Variants in CDH18 observed in about 807,000 individuals in gnomAD.
CDH18 encodes cadherin 18.
In CDH18, 31 loss-of-function variants were observed where a neutral mutation model predicts 67.9. The ratio of observed to expected loss-of-function variants is 0.46; its 90% CI spans 0.34 to 0.62. The LOEUF is 0.62. CDH18 is among the 20% of genes least tolerant of loss of function. The pLI, the probability that CDH18 is intolerant of heterozygous loss-of-function variation, is 0.01. For missense variants in CDH18, 890 were observed against 975.5 expected, an observed-to-expected ratio of 0.91 and a Z score of 1.17; for synonymous variants, 362 against 347.2, an observed-to-expected ratio of 1.04 and a Z score of -0.48.
chr5:20,222,397 T>C (rs1741299175), intron 2 of CDH18, among the ~76,000 whole-genome samples: 1 of 152,144 alleles, frequency 6.6e-6, no homozygotes, highest in Non-Finnish European at 1.5e-5. Flanking sequence ...AAAACAGACA[T>C]TGAGATTTAC....
chr5:20,241,811 C>G (rs1342570285), intron 2 of CDH18, among the ~76,000 whole-genome samples: 1 of 148,586 alleles, frequency 6.7e-6, no homozygotes, highest in Admixed American at 6.7e-5. Flanking sequence ...AAGATTGCGC[C>G]ACTGCACTCC....
intron 1 of CDH18, among the ~76,000 whole-genome samples, chr5:20,570,480 G>T (rs1214441838): frequency 3.9e-5 from 6 of 152,094 alleles, no homozygotes; most frequent in Non-Finnish European, 8.8e-5. Context: ...GCCAAGGATG[G>T]GTGAGAATGG....
At chr5:19,694,786 GAAC>G (rs1233179362) in intron 5 of CDH18, among the ~76,000 whole-genome samples, 1 of 149,890 alleles carries the variant, frequency 6.7e-6, no homozygotes, top group African/African-American at 2.5e-5. Context: ...TTGAATAAAT[GAAC>G]AACAAGGACA....
intron 2 of CDH18, among the ~76,000 whole-genome samples, chr5:19,884,501 A>T (rs1031256261): frequency 6.6e-6 from 1 of 152,040 alleles, no homozygotes; most frequent in African/African-American, 2.4e-5. Context: ...TATACAAAAC[A>T]TTAAAATTAT....
At chr5:20,283,068 C>A (rs1000397678) in intron 1 of CDH18, among the ~76,000 whole-genome samples, 7 of 152,024 alleles carry the variant, frequency 4.6e-5, no homozygotes, top group Non-Finnish European at 8.8e-5. Context: ...CATCCATATG[C>A]AGAAAAGTCA....
intron 2 of CDH18, among the ~76,000 whole-genome samples, chr5:20,044,855 A>G (rs1740772459): frequency 6.6e-6 from 1 of 151,578 alleles, no homozygotes; most frequent in Non-Finnish European, 1.5e-5. Flanking sequence ...GGATTATTAT[A>G]CTCAAAATAT....
At chr5:20,067,863 T>A (rs1350699042) in intron 2 of CDH18, among the ~76,000 whole-genome samples, 1 of 152,024 alleles carries the variant, frequency 6.6e-6, no homozygotes, top group Admixed American at 6.5e-5. Context: ...TTGGCAAGAA[T>A]TTTTTTTCTA....
At chr5:19,828,597 T>C (rs535839980) in intron 3 of CDH18, among the ~76,000 whole-genome samples, 3 of 152,326 alleles carry the variant, frequency 2.0e-5, no homozygotes, top group South Asian at 2.1e-4. Flanking sequence ...TGCAAATCAA[T>C]AAGCGTGATT....
intron 2 of CDH18, among the ~76,000 whole-genome samples, chr5:19,938,960 T>G (rs981073679): frequency 4.0e-5 from 6 of 151,234 alleles, no homozygotes; most frequent in Admixed American, 1.3e-4. Flanking sequence ...TTAAATACAT[T>G]TGGACCATTT....
intron 1 of CDH18, among the ~76,000 whole-genome samples, chr5:20,256,494 C>T (rs546681729): frequency 1.4e-4 from 21 of 152,122 alleles, no homozygotes; most frequent in African/African-American, 5.1e-4. Context: ...TATTGAGTAT[C>T]TACTATGTGC....
intron 1 of CDH18, among the ~76,000 whole-genome samples, chr5:20,561,044 A>G (rs1758180130): frequency 1.3e-5 from 2 of 152,226 alleles, no homozygotes; most frequent in South Asian, 4.1e-4. Context: ...AACGCAAATT[A>G]AAACAATGAG....
chr5:20,391,822 T>A (rs1260058073), intron 1 of CDH18, among the ~76,000 whole-genome samples: 1 of 152,044 alleles, frequency 6.6e-6, no homozygotes. Context: ...TAGCCATTTT[T>A]TATACCCAAT....
chr5:20,028,501 AG>A (rs1739108929), intron 2 of CDH18, among the ~76,000 whole-genome samples: 1 of 152,148 alleles, frequency 6.6e-6, no homozygotes, highest in Admixed American at 6.6e-5. Context: ...TTTACATTTG[AG>A]CATCTGAATG....
intron 1 of CDH18, among the ~76,000 whole-genome samples, chr5:20,495,784 T>C (rs1482788422): frequency 6.6e-6 from 1 of 150,814 alleles, no homozygotes; most frequent in Non-Finnish European, 1.5e-5. Context: ...TAGATTTAAA[T>C]ATCGAGTTCT....
chr5:20,402,244 C>G (rs1745833005), intron 1 of CDH18, among the ~76,000 whole-genome samples: 1 of 152,100 alleles, frequency 6.6e-6, no homozygotes, highest in Non-Finnish European at 1.5e-5. Flanking sequence ...TTCTTACTTC[C>G]AGAATGTCTC....
intron 2 of CDH18, among the ~76,000 whole-genome samples, chr5:20,248,607 A>G (rs528789235): frequency 6.6e-6 from 1 of 152,292 alleles, no homozygotes; most frequent in South Asian, 2.1e-4. Context: ...AACTCTATCT[A>G]GAAACCAGAG....
At chr5:20,300,303 CGTGTGTGTGTGTGTGTGT>C (rs67689740) in intron 1 of CDH18, among the ~76,000 whole-genome samples, 1 of 148,506 alleles carries the variant, frequency 6.7e-6, no homozygotes, top group Non-Finnish European at 1.5e-5. Context: ...TGTGTGTGTG[CGTGTGTGTGTGTGTGTGT>C]GTGTGTGTGT....
intron 2 of CDH18, among the ~76,000 whole-genome samples, chr5:19,933,529 G>C (rs1480474232): frequency 6.6e-6 from 1 of 151,220 alleles, no homozygotes; most frequent in Non-Finnish European, 1.5e-5. Context: ...AAAACTTTTG[G>C]AGTTACCTAT....
In CDH18 at chr5:20,156,664, C is replaced by T. The variant is rs193211915; in HGVS notation, c.-518+98780G>A. 2.3e-3 allele frequency among the ~76,000 whole-genome samples: 346 copies of T among 152,160 alleles called. 2 individuals are homozygous for T. The highest frequency in any genetic ancestry group is 7.8e-3 in the African/African-American group (324 of 41,510). On this transcript the variant is annotated intron_variant, in intron 2 of 14. Coordinates refer to the CDH18 transcript ENST00000507958. The stretch of plus-strand genomic sequence containing the variant: ...GGTACACTAAAGGCAGAGACTTCAC[C>T]ACTAAACACTATATCCATGTGACAC...
Sources: allele counts gnomAD v4.1 joint callset (sites outside exome capture counted in the v4.1 genomes callset), GRCh38; gene constraint gnomAD v4.1.1; transcripts MANE v1.5; gene names NCBI Gene and HGNC (gene_info 2026-07-23, HGNC 2026-07-21).